The following EHHADH variants were observed in gnomAD, a reference collection of about 807,000 sequenced individuals.
EHHADH encodes the protein enoyl-CoA hydratase and 3-hydroxyacyl CoA dehydrogenase.
A neutral mutation model predicts 64.4 loss-of-function variants in EHHADH; 48 were observed. The ratio of observed to expected loss-of-function variants is 0.75; its 90% CI spans 0.59 to 0.95. EHHADH has a LOEUF of 0.95. EHHADH is among the 40% of genes least tolerant of loss of function. The pLI is 0.00. For synonymous variants in EHHADH, 308 were observed against 326.7 expected, an observed-to-expected ratio of 0.94 and a Z score of 0.62; for missense variants, 854 against 876.6, an observed-to-expected ratio of 0.97 and a Z score of 0.33.
At chr3:185,244,351 T>G (rs1719537073) in intron 2 of EHHADH, among the ~76,000 whole-genome samples, 1 of 152,210 alleles carries the variant, frequency 6.6e-6, no homozygotes, top group Admixed American at 6.5e-5. Flanking sequence ...GGGTTAATAT[T>G]GATATATGAG....
chr3:185,224,271 G>T (rs1033617932), intron 4 of EHHADH, among the ~76,000 whole-genome samples: 1 of 151,784 alleles, frequency 6.6e-6, no homozygotes, highest in Non-Finnish European at 1.5e-5. Context: ...AGGCCGAGGC[G>T]GGTGGCTCAC....
intron 2 of EHHADH, chr3:185,246,329 G>A (rs1489450516): frequency 5.4e-6 from 4 of 739,086 alleles, no homozygotes; most frequent in South Asian, 1.9e-5. Context: ...TTTTGTTTCT[G>A]AGGGCTGCGT....
intron 3 of EHHADH, among the ~76,000 whole-genome samples, chr3:185,233,812 A>C (rs913826538): frequency 6.6e-6 from 1 of 152,020 alleles, no homozygotes; most frequent in Non-Finnish European, 1.5e-5. Flanking sequence ...TGCCCAGCTA[A>C]TTTTTGTATT....
intron 4 of EHHADH, among the ~76,000 whole-genome samples, chr3:185,218,567 C>T (rs1718754002): frequency 1.3e-5 from 2 of 152,090 alleles, no homozygotes; most frequent in African/African-American, 4.8e-5. Context: ...AACAGATTCT[C>T]TTTATATTCT....
intron 5 of EHHADH, among the ~76,000 whole-genome samples, chr3:185,217,867 C>G (rs1718730839): frequency 6.6e-6 from 1 of 151,624 alleles, no homozygotes; most frequent in Non-Finnish European, 1.5e-5. Flanking sequence ...CGGGTTCACG[C>G]CATTCTCCTG....
At chr3:185,218,374 A>T in intron 4 of EHHADH, 134 bp from the exon 5 acceptor site, 1 of 498,044 alleles carries the variant, frequency 2.0e-6, no homozygotes, top group Non-Finnish European at 3.4e-6. Flanking sequence ...ATAAGTAAGA[A>T]CCACACTCAC....
In EHHADH at chr3:185,193,467, C is replaced by A. The variant is rs146637162; in HGVS notation, c.931G>T (p.Gly311Cys). The A allele has an allele frequency of 5.0e-6, 8 of 1,614,062 alleles. No individual in the cohort carries two copies. The highest frequency in any genetic ancestry group is 1.7e-5 in the Admixed American group (1 of 60,004). ...GCCCTTGCAAAAGAAATGACAATGC[C>A]TCGGCCCATTGTTCCCAAGCCTGCA... is the stretch of plus-strand genomic sequence containing the variant. ...GVVGLGTMGR[G>C]IVISFARARI... The change falls in exon 7 of 7, where the codon GGC (glycine) becomes TGC (cysteine). Residue 311 changes from glycine (G) to cysteine (C), a missense_variant. Coordinates refer to ENST00000231887, the MANE Select transcript of EHHADH (RefSeq NM_001966.4).
At chr3:185,218,924 G>A (rs1438216455) in intron 4 of EHHADH, among the ~76,000 whole-genome samples, 1 of 152,164 alleles carries the variant, frequency 6.6e-6, no homozygotes, top group Non-Finnish European at 1.5e-5. Flanking sequence ...TCAGGAGGCT[G>A]AGGCAGGAGA....
At chr3:185,235,498 G>T in intron 2 of EHHADH, 36 bp from the exon 3 acceptor site, 1 of 1,551,304 alleles carries the variant, frequency 6.4e-7, no homozygotes. Context: ...ACAGAGTTGA[G>T]AAATACATGG....
intron 1 of EHHADH, chr3:185,253,341 A>C (rs1224566264): frequency 1.4e-5 from 2 of 144,146 alleles, no homozygotes; most frequent in Non-Finnish European, 3.0e-5. Flanking sequence ...AAGGGGAGTG[A>C]GGCTGGATCA....
At chr3:185,222,920 C>A (rs1490579080) in intron 4 of EHHADH, among the ~76,000 whole-genome samples, 1 of 151,998 alleles carries the variant, frequency 6.6e-6, no homozygotes. Context: ...TTGTTTTTAT[C>A]CTGGGGAAGC....
Position 185,190,834 on chromosome 3 carries a change from T to C in EHHADH, c.*1392A>G, listed in dbSNP as rs554171143. On this transcript the variant is annotated 3_prime_UTR_variant, in exon 7 of 7. Coordinates refer to ENST00000231887, the MANE Select transcript of EHHADH (RefSeq NM_001966.4). ...TCCATCAGAACTTTAATCATTTTAT[T>C]TGGGTTCACAGGTGAAAATATTGTG... 9.2e-5 allele frequency: 14 copies of C among 152,324 alleles called. No individual in the cohort carries two copies. The highest frequency in any genetic ancestry group is 3.4e-4 in the African/African-American group (14 of 41,572). 9.4% of individuals were successfully genotyped at this position (152,324 alleles called of 1,614,324 possible).
At chr3:185,236,684 T>G (rs1435784901) in intron 2 of EHHADH, among the ~76,000 whole-genome samples, 10 of 152,148 alleles carry the variant, frequency 6.6e-5, no homozygotes, top group Non-Finnish European at 1.5e-4. Flanking sequence ...TAAGCTTTTT[T>G]CTCACCAATT....
At chr3:185,250,449 A>G (rs1164389832) in intron 1 of EHHADH, among the ~76,000 whole-genome samples, 5 of 152,228 alleles carry the variant, frequency 3.3e-5, no homozygotes, top group Non-Finnish European at 7.3e-5. Flanking sequence ...GGGATTAATA[A>G]GTACCAAGCA....
chr3:185,238,910 T>C (rs1719375063), intron 2 of EHHADH, among the ~76,000 whole-genome samples: 1 of 152,214 alleles, frequency 6.6e-6, no homozygotes, highest in South Asian at 2.1e-4. Flanking sequence ...GGAATTTTTA[T>C]GATTTTAGAT....
At position 185,192,671 on chromosome 3, in the gene EHHADH, C is replaced by A; in HGVS notation, c.1727G>T (p.Gly576Val). 6.2e-7 allele frequency: 1 copy of A among 1,614,198 alleles called. No individual in the cohort carries two copies. Among genetic ancestry groups the A allele is most frequent in the South Asian group, 1.1e-5 (1 of 91,084 alleles). ...CTTGTCATATTGATACCAACCCTTA[C>A]CTGTCTTCTGGCCAAATCGTCCTAA... ...CELGRFGQKTGKGWYQYDKPL... is the reference protein window; with the variant it reads ...CELGRFGQKTVKGWYQYDKPL... Residue 576 changes from glycine (G) to valine (V), a missense_variant, in exon 7 of 7, where the codon GGT becomes GTT. By Grantham distance (109) the Gly-to-Val change is moderately radical (BLOSUM62 -3). Transcript: ENST00000231887.
chr3:185,249,041 G>A, intron 1 of EHHADH, among the ~76,000 whole-genome samples: 1 of 152,172 alleles, frequency 6.6e-6, no homozygotes, highest in South Asian at 2.1e-4. Flanking sequence ...CTGTGGCGGG[G>A]GCTGTGAGTT....
In EHHADH at chr3:185,195,793, G is replaced by A. The variant is rs1463651333; in HGVS notation, c.911-2306C>T. 1.3e-5 allele frequency among the ~76,000 whole-genome samples: 2 copies of A among 152,182 alleles called. 1 individual carries two copies. The highest frequency in any genetic ancestry group is 4.8e-5 in the African/African-American group (2 of 41,440). ...GATTCCAAAAGGGGGAGTGAGGGAA[G>A]ACGGAAGAGTTGAAAACCTACCTAT... is the stretch of plus-strand genomic sequence containing the variant. On this transcript the variant is annotated intron_variant, in intron 6 of 6. Transcript: ENST00000231887.
chr3:185,194,315 TA>T, intron 6 of EHHADH, among the ~76,000 whole-genome samples: 1 of 151,826 alleles, frequency 6.6e-6, no homozygotes, highest in Admixed American at 6.6e-5. Flanking sequence ...TATAAAAAAT[TA>T]AAAATTAGCC....
Sources: allele counts gnomAD v4.1 joint callset (sites outside exome capture counted in the v4.1 genomes callset), GRCh38; gene constraint gnomAD v4.1.1; transcripts MANE v1.5; gene names NCBI Gene and HGNC (gene_info 2026-07-23, HGNC 2026-07-21).